The following MYO1H variants were observed in gnomAD, a reference collection of about 807,000 sequenced individuals.
MYO1H encodes myosin IH, also known as unconventional myosin-Ih.
In MYO1H, 118 loss-of-function variants were observed where a neutral mutation model predicts 149.3. That is an observed-to-expected ratio of 0.79 (90% CI 0.68 to 0.92). The LOEUF (loss-of-function observed/expected upper bound fraction) is 0.92, where lower values mean the gene tolerates loss of function less well. MYO1H is among the 40% of genes least tolerant of loss of function. MYO1H has a pLI of 0.00. For synonymous variants in MYO1H, 447 were observed against 465.2 expected (o/e 0.96, Z 0.50); for missense variants, 1,212 against 1,280.7 (o/e 0.95, Z 0.82).
At chr12:109,398,290 C>T (rs764553112) in intron 5 of MYO1H, among the ~76,000 whole-genome samples, 2 of 152,198 alleles carry the variant, frequency 1.3e-5, no homozygotes, top group Non-Finnish European at 2.9e-5. Context: ...CTGGGGAGAA[C>T]TGAAATGTCC....
chr12:109,393,152 A>G (rs1869731562), intron 2 of MYO1H, among the ~76,000 whole-genome samples, 179 bp from the exon 3 acceptor site: 1 of 152,072 alleles, frequency 6.6e-6, no homozygotes, highest in Non-Finnish European at 1.5e-5. Flanking sequence ...AGCTGTCTTC[A>G]TTCCTCAGCT....
chr12:109,393,102 C>G (rs1869729505), intron 2 of MYO1H, among the ~76,000 whole-genome samples: 1 of 152,152 alleles, frequency 6.6e-6, no homozygotes, highest in Non-Finnish European at 1.5e-5. Flanking sequence ...TCCACCGCGC[C>G]CGGCCATGTA....
At chr12:109,323,702 A>G in the MYO1H span, among the ~76,000 whole-genome samples, 1 of 152,228 alleles carries the variant, frequency 6.6e-6, no homozygotes, top group Admixed American at 6.5e-5. Flanking sequence ...GCCTGGTAGC[A>G]TCAATGTGTC....
At chr12:109,313,807 TAAC>T in the MYO1H span, among the ~76,000 whole-genome samples, 1 of 152,230 alleles carries the variant, frequency 6.6e-6, no homozygotes, top group East Asian at 1.9e-4. Flanking sequence ...CCTTTTATAA[TAAC>T]CTCATTTAAT....
chr12:109,439,737 C>T, exon 24 of MYO1H: 1 of 1,613,962 alleles, frequency 6.2e-7, no homozygotes, highest in South Asian at 1.1e-5. Flanking sequence ...GTATCACCTT[C>T]CAAAGACTGT....
intron 1 of MYO1H, among the ~76,000 whole-genome samples, chr12:109,378,500 T>C (rs573339181): frequency 6.6e-6 from 1 of 151,414 alleles, no homozygotes; most frequent in East Asian, 1.9e-4. Flanking sequence ...TTTTTTTTCA[T>C]TTTTGTAGAG....
chr12:109,395,750 T>A (rs1163679797), intron 3 of MYO1H, among the ~76,000 whole-genome samples: 2 of 150,952 alleles, frequency 1.3e-5, no homozygotes, highest in African/African-American at 2.4e-5. Context: ...AAAAAAAAAA[T>A]TCTCAAATTC....
chr12:109,358,224 A>C (rs779878651), intron 1 of MYO1H, among the ~76,000 whole-genome samples: 1 of 152,050 alleles, frequency 6.6e-6, no homozygotes, highest in Non-Finnish European at 1.5e-5. Context: ...TGCTGTCATA[A>C]GAAAAATAAC....
At position 109,417,126 on chromosome 12, in the gene MYO1H, G is replaced by A. The variant is rs985915600; in HGVS notation, c.1597+1506G>A. Among the ~76,000 whole-genome samples the A allele has an allele frequency of 2.0e-5, 3 of 152,102 alleles. No homozygotes were observed. The East Asian group carries it at 5.8e-4, about 29-fold the overall frequency. Reference sequence around the variant, plus strand: ...GCAGAGGTTGCAGTGAGCTGAGATTGTGCTGCTGCATTCCAGCCTGGGTGA... The same window carrying A: ...GCAGAGGTTGCAGTGAGCTGAGATTATGCTGCTGCATTCCAGCCTGGGTGA... On this transcript the variant is annotated intron_variant, in intron 15 of 31. Coordinates refer to ENST00000310903, the Ensembl canonical transcript of MYO1H.
At chr12:109,318,967 G>GTTTTTTTTTTTTTTTTTTT in the MYO1H span, among the ~76,000 whole-genome samples, 27 of 79,616 alleles carry the variant, frequency 3.4e-4, 2 homozygotes, top group African/African-American at 5.4e-4. Context: ...TGCGTTTTTG[G>GTTTTTTTTTTTTTTTTTTT]TTTTGTTTTT....
chr12:109,432,918 C>T (rs1265204286), exon 20 of MYO1H: 1 of 1,614,010 alleles, frequency 6.2e-7, no homozygotes, highest in African/African-American at 1.3e-5. Context: ...TATGCCCAGA[C>T]ACCTGGCCGC....
intron 2 of MYO1H, 89 bp from the exon 3 acceptor site, chr12:109,393,242 C>A: frequency 1.3e-6 from 1 of 799,814 alleles, no homozygotes; most frequent in South Asian, 1.5e-5. Context: ...TTTAAATCCT[C>A]CATGTGGAAT....
chr12:109,376,113 T>A (rs1017322854), intron 1 of MYO1H, among the ~76,000 whole-genome samples: 7 of 151,354 alleles, frequency 4.6e-5, no homozygotes, highest in African/African-American at 1.7e-4. Context: ...CTTACTGAAA[T>A]ACAATTCATA....
chr12:109,391,175 A>C (rs886601730), intron 2 of MYO1H, among the ~76,000 whole-genome samples: 1 of 152,200 alleles, frequency 6.6e-6, no homozygotes, highest in Non-Finnish European at 1.5e-5. Flanking sequence ...AGATCATCCC[A>C]TCACCAAGGT....
the MYO1H span, among the ~76,000 whole-genome samples, chr12:109,318,928 A>G: frequency 7.1e-6 from 1 of 140,166 alleles, no homozygotes; most frequent in Non-Finnish European, 1.5e-5. Flanking sequence ...GGGGAGGGGA[A>G]ATCAGGTGCG....
intron 15 of MYO1H, among the ~76,000 whole-genome samples, chr12:109,418,640 C>G (rs1566035569): frequency 6.6e-6 from 1 of 152,154 alleles, no homozygotes; most frequent in Non-Finnish European, 1.5e-5. Context: ...GCTCTGCCTC[C>G]TGGGTTTGCA....
At chr12:109,320,081 AGGT>A in the MYO1H span, among the ~76,000 whole-genome samples, 1 of 152,118 alleles carries the variant, frequency 6.6e-6, no homozygotes, top group Non-Finnish European at 1.5e-5. Flanking sequence ...TAGGAGACTG[AGGT>A]GGGAAGATCA....
intron 1 of MYO1H, among the ~76,000 whole-genome samples, chr12:109,369,348 A>G (rs11066422): frequency 0.54 from 82,618 of 152,028 alleles, 23,658 homozygotes; most frequent in African/African-American, 0.72. Context: ...AAAGCAAAAT[A>G]CAGCATGCTG....
intron 18 of MYO1H, among the ~76,000 whole-genome samples, chr12:109,426,511 G>A (rs1345838047): frequency 6.6e-6 from 1 of 152,170 alleles, no homozygotes; most frequent in South Asian, 2.1e-4. Context: ...GGGTGACAGA[G>A]TGAGACCCTA....
Sources: gnomAD v4.1 joint callset for allele counts (sites outside exome capture counted in the v4.1 genomes callset) on GRCh38, gnomAD v4.1.1 for gene constraint, MANE v1.5 for transcripts, NCBI Gene and HGNC (gene_info 2026-07-23, HGNC 2026-07-21) for gene names.